The following DOK7 variants were observed in gnomAD, a reference collection of about 807,000 sequenced individuals.
DOK7 encodes the protein docking protein 7, also known as protein Dok-7.
A neutral mutation model predicts 30.7 loss-of-function variants in DOK7; 32 were observed. That is an observed-to-expected ratio of 1.04 (90% confidence interval 0.79 to 1.40). The LOEUF (loss-of-function observed/expected upper bound fraction) is 1.40, where lower values mean the gene tolerates loss of function less well. Ranked by LOEUF, DOK7 falls within the 40% of genes most tolerant of loss-of-function variation. The pLI, the probability that DOK7 is intolerant of heterozygous loss-of-function variation, is 0.00. For missense variants in DOK7, 1,007 were observed against 699.2 expected, an observed-to-expected ratio of 1.44 and a Z score of -4.97; for synonymous variants, 447 against 324.1, an observed-to-expected ratio of 1.38 and a Z score of -4.07.
In DOK7 at chr4:3,476,460, G is replaced by C; in HGVS notation, c.450G>C (p.Gly150=). The C allele has an allele frequency of 6.2e-7, 1 of 1,613,842 alleles. No homozygotes were observed. Among genetic ancestry groups the C allele is most frequent in the Non-Finnish European group, 8.5e-7 (1 of 1,180,048 alleles). The part of the protein sequence containing the change: ...LARDIPPAVT[G]QWKLSDLRRY... Reference sequence around the variant, plus strand: ...GGGACATCCCCCCGGCTGTCACGGGGCAGTGGAAGCTGTCTGACCTCCGGC... The same window carrying C: ...GGGACATCCCCCCGGCTGTCACGGGCCAGTGGAAGCTGTCTGACCTCCGGC... The change falls in exon 4 of 7, where the codon GGG becomes GGC. Residue 150 remains glycine, a synonymous_variant. Transcript: ENST00000340083.
At chr4:3,488,291 T>G (rs1727946717) in intron 5 of DOK7, among the ~76,000 whole-genome samples, 1 of 152,164 alleles carries the variant, frequency 6.6e-6, no homozygotes, top group Non-Finnish European at 1.5e-5. Flanking sequence ...TGCTGTGAGC[T>G]CTCACCTGCC....
rs774547095 is a variant in DOK7 at position 3,493,003 on chromosome 4, C to T, written c.1017C>T (p.Gly339=). The T allele has an allele frequency of 1.2e-5, 18 of 1,562,120 alleles. No homozygotes were observed. The highest frequency in any genetic ancestry group is 2.7e-5 in the African/African-American group (2 of 74,144). The change falls in exon 7 of 7, where the codon GGC becomes GGT. Residue 339 remains glycine, a synonymous_variant. Coordinates refer to ENST00000340083, the MANE Select transcript of DOK7 (RefSeq NM_173660.5). The part of the protein sequence containing the change: ...EVGRQSSSDS[G]IATGSHSSYS... The stretch of plus-strand genomic sequence containing the variant: ...GCCGCCAGAGCTCCTCGGACAGCGG[C>T]ATCGCCACTGGCAGCCACTCCTCTT...
intron 5 of DOK7, among the ~76,000 whole-genome samples, chr4:3,486,784 G>A (rs1165079743): frequency 1.3e-5 from 2 of 152,160 alleles, no homozygotes; most frequent in Non-Finnish European, 2.9e-5. Context: ...GGATGGTGTG[G>A]TCAGCGTGGA....
chr4:3,466,223 G>A (rs1726252746), intron 2 of DOK7, among the ~76,000 whole-genome samples: 1 of 152,148 alleles, frequency 6.6e-6, no homozygotes, highest in African/African-American at 2.4e-5. Context: ...ACAGCTGGCT[G>A]GAAGTTCCGC....
At chr4:3,483,772 G>T (rs2109363897) in intron 4 of DOK7, among the ~76,000 whole-genome samples, 1 of 152,328 alleles carries the variant, frequency 6.6e-6, no homozygotes, top group East Asian at 1.9e-4. Context: ...CCCTTCACAG[G>T]GAGGGGTGGA....
chr4:3,468,845 G>A (rs1356294359), intron 2 of DOK7, among the ~76,000 whole-genome samples: 1 of 150,388 alleles, frequency 6.6e-6, no homozygotes, highest in Non-Finnish European at 1.5e-5. Context: ...GTGCGTGTAT[G>A]TGTGTGCGCG....
At chr4:3,496,631 T>TGGGGGCTGTGGGGCAA (rs1277607176), downstream of DOK7, among the ~76,000 whole-genome samples, 1 of 151,850 alleles carries the variant, frequency 6.6e-6, no homozygotes, top group African/African-American at 2.4e-5. Context: ...CCCGGAGATC[T>TGGGGGCTGTGGGGCAA]GGGGGCTGTG....
chr4:3,495,543 C>T (rs1255076846), downstream of DOK7, among the ~76,000 whole-genome samples: 1 of 152,238 alleles, frequency 6.6e-6, no homozygotes, highest in East Asian at 1.9e-4. Flanking sequence ...GTGAGTGGGC[C>T]TCGCTCCGGG....
chr4:3,477,062 G>C (rs968302973), intron 4 of DOK7, among the ~76,000 whole-genome samples: 14 of 131,308 alleles, frequency 1.1e-4, no homozygotes, highest in Non-Finnish European at 2.1e-4. Flanking sequence ...GTGAAGGCCT[G>C]AGAGCTGTCC....
At chr4:3,464,124 C>A (rs1040868723) in intron 2 of DOK7, among the ~76,000 whole-genome samples, 1 of 152,182 alleles carries the variant, frequency 6.6e-6, no homozygotes, top group African/African-American at 2.4e-5. Context: ...CCAGGTCTGG[C>A]AGCCCAGGCC....
At chr4:3,497,749 C>T (rs1211101989), downstream of DOK7, among the ~76,000 whole-genome samples, 4 of 151,968 alleles carry the variant, frequency 2.6e-5, no homozygotes, top group East Asian at 5.9e-4. Flanking sequence ...GGGATGGGGG[C>T]GGAGCCACAG....
At position 3,473,490 on chromosome 4, in the gene DOK7, T is replaced by C. The variant is rs369362812; in HGVS notation, c.185T>C (p.Ile62Thr). Reference protein sequence around the residue: ...RERSSLTLEDICGLEPGLPYE... With the variant: ...RERSSLTLEDTCGLEPGLPYE... Reference sequence around the variant, plus strand: ...CGCAGCAGCCTGACGCTAGAGGACATCTGCGGGCTGGAGCCCGGCCTGCCC... The same window carrying C: ...CGCAGCAGCCTGACGCTAGAGGACACCTGCGGGCTGGAGCCCGGCCTGCCC... Residue 62 changes from isoleucine (I) to threonine (T), a missense_variant, in exon 3 of 7, where the codon ATC becomes ACC. Ile to Thr is a moderately conservative substitution (Grantham distance 89). Coordinates refer to ENST00000340083, the MANE Select transcript of DOK7 (RefSeq NM_173660.5). The C allele has an allele frequency of 5.0e-6, 8 of 1,611,060 alleles. No homozygotes were observed. In the African/African-American group the frequency reaches 1.1e-4, roughly 22 times the overall value.
intron 2 of DOK7, among the ~76,000 whole-genome samples, chr4:3,470,380 C>T (rs1726688752): frequency 6.6e-6 from 1 of 152,242 alleles, no homozygotes; most frequent in African/African-American, 2.4e-5. Flanking sequence ...CCACGCTCAG[C>T]CCCTGCCTGT....
intron 6 of DOK7, among the ~76,000 whole-genome samples, chr4:3,491,107 T>C (rs1728371196): frequency 9.5e-6 from 1 of 105,678 alleles, no homozygotes; most frequent in African/African-American, 3.7e-5. Flanking sequence ...ATTCCTTCCC[T>C]CTCCCCCTGC....
chr4:3,499,328 C>G (rs1729079336), downstream of DOK7, among the ~76,000 whole-genome samples: 1 of 152,158 alleles, frequency 6.6e-6, no homozygotes, highest in South Asian at 2.1e-4. Flanking sequence ...CTCCCAGCCA[C>G]TGGCTCAGGG....
intron 2 of DOK7, among the ~76,000 whole-genome samples, chr4:3,469,758 C>A (rs1450267078): frequency 6.6e-5 from 10 of 152,326 alleles, no homozygotes; most frequent in South Asian, 6.2e-4. Context: ...GGTACCAGTT[C>A]CTGCAGCGCT....
intron 4 of DOK7, among the ~76,000 whole-genome samples, chr4:3,485,096 C>G (rs1484030284): frequency 6.6e-6 from 1 of 152,182 alleles, no homozygotes; most frequent in Non-Finnish European, 1.5e-5. Flanking sequence ...AGGGACTGAT[C>G]AAGTGCCTGC....
At chr4:3,497,013 G>A (rs112288063), downstream of DOK7, among the ~76,000 whole-genome samples, 226 of 151,844 alleles carry the variant, frequency 1.5e-3, 1 homozygote, top group Middle Eastern at 0.01. Flanking sequence ...TGGTGAAAGT[G>A]GTTGTTGGCT....
At position 3,489,681 on chromosome 4, in the gene DOK7, A is replaced by G. The variant is rs1435561308; in HGVS notation, c.657A>G (p.Pro219=). 1.3e-5 allele frequency: 21 copies of G among 1,565,990 alleles called. No individual in the cohort carries two copies. The highest frequency in any genetic ancestry group is 1.8e-5 in the Non-Finnish European group (21 of 1,155,650). ...CGAGTCTTCTCTCTGCCACAGACCC[A>G]AGTCCCCCGGGACCCTCGACTGTGG... is the stretch of plus-strand genomic sequence containing the variant. ...PFGLRPVLPD[P]SPPGPSTVEE... The change falls in exon 6 of 7, where the codon CCA becomes CCG. Residue 219 remains proline (P), a synonymous_variant. Coordinates refer to ENST00000340083, the MANE Select transcript of DOK7 (RefSeq NM_173660.5).
Sources: gnomAD v4.1 joint callset for allele counts (sites outside exome capture counted in the v4.1 genomes callset) on GRCh38, gnomAD v4.1.1 for gene constraint, MANE v1.5 for transcripts, NCBI Gene and HGNC (gene_info 2026-07-23, HGNC 2026-07-21) for gene names.